The following MCTP2 variants were observed in gnomAD, a reference collection of about 807,000 sequenced individuals.
MCTP2 encodes the protein multiple C2 and transmembrane domain containing 2.
A neutral mutation model predicts 111.6 loss-of-function variants in MCTP2; 132 were observed. That is an observed-to-expected ratio of 1.18 (90% CI 1.03 to 1.37). The LOEUF is 1.37. Among genes scored for constraint, MCTP2 ranks in the 40% most tolerant of loss-of-function variants. The probability of loss-of-function intolerance (pLI) is 0.00; values close to 1 mark genes in which losing one functional copy is unlikely to be tolerated. For missense variants in MCTP2, 1,183 were observed against 1,067.9 expected (o/e 1.11, Z -1.50); for synonymous variants, 395 against 387.7 (o/e 1.02, Z -0.22).
intron 17 of MCTP2, among the ~76,000 whole-genome samples, chr15:94,409,616 A>G (rs1018133515): frequency 6.6e-6 from 1 of 152,052 alleles, no homozygotes; most frequent in Admixed American, 6.6e-5. Flanking sequence ...TCAATCTTAA[A>G]GAAAAGACTC....
chr15:94,349,204 T>A (rs1319583912), intron 8 of MCTP2, among the ~76,000 whole-genome samples: 1 of 152,164 alleles, frequency 6.6e-6, no homozygotes, highest in Non-Finnish European at 1.5e-5. Context: ...TCCTCCTCCC[T>A]GGAAGCTGTA....
At chr15:94,372,608 A>G in intron 12 of MCTP2, among the ~76,000 whole-genome samples, 1 of 152,210 alleles carries the variant, frequency 6.6e-6, no homozygotes, top group East Asian at 1.9e-4. Context: ...ACAGACCTCA[A>G]CAGTGTCATT....
At chr15:94,399,715 C>T (rs1203486450) in intron 15 of MCTP2, 4 of 544,064 alleles carry the variant, frequency 7.4e-6, no homozygotes, top group African/African-American at 5.7e-5. Context: ...CCCTTCTAGA[C>T]TCAATCTGAC....
At chr15:94,391,203 T>C (rs1364788296) in intron 14 of MCTP2, among the ~76,000 whole-genome samples, 1 of 152,158 alleles carries the variant, frequency 6.6e-6, no homozygotes, top group African/African-American at 2.4e-5. Context: ...CTTCACTTAA[T>C]TGATTTACTG....
Position 94,385,502 on chromosome 15 carries a change from A to G in MCTP2, c.1765A>G (p.Lys589Glu). ...DGDKPPDFLG[K>E]VAIPLLSIRD... ...AGATAAACCCCCAGATTTTCTTGGA[A>G]AAGTTGCCATTCCCTTGCTGTCCGT... Residue 589 changes from lysine to glutamate, a missense_variant, in exon 14 of 23, where the codon AAA becomes GAA. Physicochemically the swap from Lys to Glu is moderately conservative, Grantham distance 56 (BLOSUM62 1). Coordinates refer to ENST00000357742, the MANE Select transcript of MCTP2 (RefSeq NM_001385001.1). 6.2e-7 allele frequency: 1 copy of G among 1,613,082 alleles called. No homozygotes were observed. Among genetic ancestry groups the G allele is most frequent in the Non-Finnish European group, 8.5e-7 (1 of 1,179,292 alleles).
At chr15:94,260,092 C>T (rs1455075846) in intron 1 of MCTP2, among the ~76,000 whole-genome samples, 2 of 152,268 alleles carry the variant, frequency 1.3e-5, no homozygotes, top group South Asian at 4.1e-4. Flanking sequence ...TGAAAAGGCT[C>T]CACCTGTACC....
chr15:94,245,500 ATATATG>A (rs1341789603), intron 1 of MCTP2, among the ~76,000 whole-genome samples: 6 of 140,356 alleles, frequency 4.3e-5, no homozygotes, highest in East Asian at 2.0e-4. Flanking sequence ...GTATGTATTT[ATATATG>A]TATACATATA....
intron 12 of MCTP2, among the ~76,000 whole-genome samples, chr15:94,383,338 T>A (rs1013312065): frequency 6.6e-6 from 1 of 152,198 alleles, no homozygotes; most frequent in Admixed American, 6.5e-5. Flanking sequence ...GAAACAGAGA[T>A]GAACTTCATT....
chr15:94,285,822 C>G (rs2074726015), intron 1 of MCTP2, among the ~76,000 whole-genome samples: 1 of 152,208 alleles, frequency 6.6e-6, no homozygotes, highest in Non-Finnish European at 1.5e-5. Context: ...TGTCCCACTT[C>G]TAGTCATTAA....
chr15:94,468,042 T>C (rs1160491137), intron 20 of MCTP2, among the ~76,000 whole-genome samples: 1 of 151,540 alleles, frequency 6.6e-6, no homozygotes, highest in East Asian at 1.9e-4. Flanking sequence ...GATAAATTTG[T>C]TCATGCGAAA....
intron 14 of MCTP2, among the ~76,000 whole-genome samples, chr15:94,398,320 G>C (rs569784008): frequency 3.0e-4 from 45 of 152,242 alleles, no homozygotes; most frequent in Non-Finnish European, 3.8e-4. Context: ...TAACATTTTG[G>C]GGGGAATACT....
intron 1 of MCTP2, among the ~76,000 whole-genome samples, chr15:94,274,864 A>G (rs1458892939): frequency 6.6e-6 from 1 of 152,162 alleles, no homozygotes; most frequent in African/African-American, 2.4e-5. Flanking sequence ...GGTTTCTACC[A>G]AAACATCACA....
chr15:94,475,230 G>T (rs181345897), intron 21 of MCTP2, among the ~76,000 whole-genome samples: 24 of 152,292 alleles, frequency 1.6e-4, no homozygotes, highest in Admixed American at 1.3e-3. Context: ...GAAGCTTGCT[G>T]TGGGGGTAGA....
intron 1 of MCTP2, among the ~76,000 whole-genome samples, chr15:94,264,409 C>G (rs944837139): frequency 6.6e-6 from 1 of 152,006 alleles, no homozygotes; most frequent in Non-Finnish European, 1.5e-5. Flanking sequence ...GAGATCGAGA[C>G]CATCCTGGCT....
chr15:94,253,618 TCTC>T (rs1482225715), intron 1 of MCTP2, among the ~76,000 whole-genome samples: 2 of 152,200 alleles, frequency 1.3e-5, no homozygotes, highest in Non-Finnish European at 2.9e-5. Flanking sequence ...GCTATCTGCT[TCTC>T]CTACTGTACT....
intron 17 of MCTP2, among the ~76,000 whole-genome samples, chr15:94,422,887 G>A (rs1198712703): frequency 1.3e-5 from 2 of 152,022 alleles, no homozygotes; most frequent in African/African-American, 4.8e-5. Flanking sequence ...TAAAGATGGG[G>A]TTTCCACTAT....
intron 4 of MCTP2, among the ~76,000 whole-genome samples, chr15:94,335,487 A>G (rs17630355): frequency 0.094 from 14,316 of 152,308 alleles, 693 homozygotes; most frequent in Non-Finnish European, 0.11. Flanking sequence ...CTTATAGTCA[A>G]TGGCTGATTG....
intron 4 of MCTP2, among the ~76,000 whole-genome samples, chr15:94,330,557 T>C (rs28613927): frequency 0.038 from 5,854 of 152,118 alleles, 367 homozygotes; most frequent in African/African-American, 0.13. Context: ...TTTATTGTAG[T>C]ATTCTAGCTG....
chr15:94,301,055 T>C (rs1005324984), intron 2 of MCTP2, among the ~76,000 whole-genome samples: 1 of 152,206 alleles, frequency 6.6e-6, no homozygotes, highest in African/African-American at 2.4e-5. Flanking sequence ...CCTTCCAGAA[T>C]AGGTTATTCT....
Sources: gnomAD v4.1 joint callset for allele counts (sites outside exome capture counted in the v4.1 genomes callset) on GRCh38, gnomAD v4.1.1 for gene constraint, MANE v1.5 for transcripts, NCBI Gene and HGNC (gene_info 2026-07-23, HGNC 2026-07-21) for gene names.